The following PRRX1 variants were observed in gnomAD, a reference collection of about 807,000 sequenced individuals.
PRRX1 encodes the protein paired mesoderm homeobox protein 1.
Under a neutral mutation model 24.0 loss-of-function variants are expected in PRRX1, and 8 were observed. That is an observed-to-expected ratio of 0.33 (90% CI 0.20 to 0.60). The LOEUF is 0.60. Ranked by LOEUF, PRRX1 falls within the 20% of genes least tolerant of loss-of-function variation. PRRX1 has a pLI of 0.82. For synonymous variants in PRRX1, 160 were observed against 131.7 expected (o/e 1.22, Z -1.47); for missense variants, 281 against 322.4 (o/e 0.87, Z 0.98).
At chr1:170,706,738 G>A (rs1654582735) in intron 1 of PRRX1, among the ~76,000 whole-genome samples, 1 of 152,180 alleles carries the variant, frequency 6.6e-6, no homozygotes, top group African/African-American at 2.4e-5. Context: ...AGGTCAAGAA[G>A]TTACCTATAT....
rs76344152 is a variant in PRRX1, at chr1:170,718,325, C to T, written c.242-1401C>T. ...TTCTCTTAGCAAAAGACTTAGAGGC[C>T]TCAGTTGTCAGGCCTCTGGATTTAA... On this transcript the variant is annotated intron_variant, in intron 1 of 3. Transcript: ENST00000239461. 4.4e-3 allele frequency among the ~76,000 whole-genome samples: 675 copies of T among 152,224 alleles called. 9 individuals are homozygous for T. Among genetic ancestry groups the T allele is most frequent in the African/African-American group, 0.015 (619 of 41,532 alleles).
intron 3 of PRRX1, among the ~76,000 whole-genome samples, chr1:170,729,487 T>A (rs1655362306): frequency 1.3e-5 from 2 of 152,206 alleles, no homozygotes; most frequent in Admixed American, 1.3e-4. Flanking sequence ...GGTTGGAAAA[T>A]AGCCAACATA....
At position 170,736,196 on chromosome 1, in the gene PRRX1, A is replaced by G. The variant is rs533501026; in HGVS notation, c.*10A>G. ...GCCAACAGTCAACTGAGGAAAAAAAATAATTAAACAGGCCTAAGAAGAAAT... is the reference window on the plus strand; with the variant it reads ...GCCAACAGTCAACTGAGGAAAAAAAGTAATTAAACAGGCCTAAGAAGAAAT... On this transcript the variant is annotated 3_prime_UTR_variant, in exon 4 of 4. Transcript: ENST00000239461. 1.3e-4 allele frequency: 216 copies of G among 1,614,056 alleles called. 1 individual carries two copies. In the South Asian group the frequency reaches 2.2e-3, roughly 17 times the overall value.
intron 1 of PRRX1, among the ~76,000 whole-genome samples, chr1:170,717,778 G>A (rs1654954816): frequency 6.6e-6 from 1 of 152,202 alleles, no homozygotes; most frequent in African/African-American, 2.4e-5. Context: ...GAGAATGCAA[G>A]TGCAATGTAA....
Position 170,736,564 on chromosome 1 carries a change from A to ATATG in PRRX1, c.*381_*382insGTAT, listed in dbSNP as rs1352144675. On this transcript the variant is annotated 3_prime_UTR_variant, in exon 4 of 4. Coordinates refer to ENST00000239461, the MANE Select transcript of PRRX1 (RefSeq NM_022716.4). ...AGAAACTATATATATATATATATAT[A>ATATG]TATATATCCAGAATGATTGCCTCTA... The ATATG allele has an allele frequency of 4.3e-6, 1 of 234,906 alleles. No individual in the cohort carries two copies. Among genetic ancestry groups the ATATG allele is most frequent in the East Asian group, 6.6e-5 (1 of 15,134 alleles). The allele number at this position is 234,906 out of a possible 1,614,324, so 14.6% of individuals were successfully genotyped here.
chr1:170,736,324 C>G lies in PRRX1; in HGVS notation c.*138C>G. The G allele has an allele frequency of 7.3e-6, 9 of 1,239,846 alleles. No homozygotes were observed. Among genetic ancestry groups the G allele is most frequent in the Non-Finnish European group, 1.0e-5 (9 of 883,346 alleles). The allele number at this position is 1,239,846 out of a possible 1,614,324, so 76.8% of individuals were successfully genotyped here. ...ACAAAGCAGAACTAAAATATTGGGA[C>G]CATGGCAGAGAAAAGCAGGAGAGGA... is the stretch of plus-strand genomic sequence containing the variant. On this transcript the variant is annotated 3_prime_UTR_variant, in exon 4 of 4. Coordinates refer to ENST00000239461, the MANE Select transcript of PRRX1 (RefSeq NM_022716.4).
chr1:170,702,139 T>C (rs1654406585), intron 1 of PRRX1, among the ~76,000 whole-genome samples: 1 of 152,184 alleles, frequency 6.6e-6, no homozygotes, highest in Non-Finnish European at 1.5e-5. Flanking sequence ...GGGTTTCTAC[T>C]CGTATAAGAA....
chr1:170,730,710 T>C (rs1655407603), intron 3 of PRRX1: 2 of 221,924 alleles, frequency 9.0e-6, no homozygotes, highest in South Asian at 1.5e-4. Flanking sequence ...AGCGAGACTT[T>C]GTAGGTTACA....
At chr1:170,700,860 T>G (rs1654330684) in intron 1 of PRRX1, among the ~76,000 whole-genome samples, 1 of 152,152 alleles carries the variant, frequency 6.6e-6, no homozygotes, top group African/African-American at 2.4e-5. Context: ...CGGCTTCATC[T>G]TCTCTTCTTA....
At chr1:170,665,999 G>T (rs946695062) in intron 1 of PRRX1, among the ~76,000 whole-genome samples, 6 of 152,226 alleles carry the variant, frequency 3.9e-5, no homozygotes, top group African/African-American at 1.4e-4. Context: ...TTAGGGTTTG[G>T]GTGCTTGAGA....
chr1:170,673,869 A>C (rs887814465), intron 1 of PRRX1, among the ~76,000 whole-genome samples: 1 of 152,172 alleles, frequency 6.6e-6, no homozygotes. Context: ...CTACTGTTTA[A>C]GTCTCTATCC....
At chr1:170,730,377 C>G in intron 3 of PRRX1, 1 of 1,563,744 alleles carries the variant, frequency 6.4e-7, no homozygotes, top group Non-Finnish European at 8.8e-7. Context: ...AAGAGGGTGG[C>G]TGCTTGGGGT....
chr1:170,685,349 G>C (rs1330546448), intron 1 of PRRX1, among the ~76,000 whole-genome samples: 2 of 152,160 alleles, frequency 1.3e-5, no homozygotes, highest in African/African-American at 4.8e-5. Context: ...TCTTGTCAAA[G>C]GGTGATTCAA....
intron 3 of PRRX1, among the ~76,000 whole-genome samples, chr1:170,734,070 A>G (rs2101927906): frequency 6.6e-6 from 1 of 152,222 alleles, no homozygotes; most frequent in Non-Finnish European, 1.5e-5. Flanking sequence ...TAACTTGTTC[A>G]GTTTTTATTG....
intron 1 of PRRX1, among the ~76,000 whole-genome samples, chr1:170,672,835 T>C (rs1280224880): frequency 6.6e-6 from 1 of 152,184 alleles, no homozygotes; most frequent in African/African-American, 2.4e-5. Flanking sequence ...TAGATTTGGT[T>C]TGGGCCGGGA....
chr1:170,726,108 C>A, intron 2 of PRRX1, 112 bp from the exon 3 acceptor site: 2 of 1,065,122 alleles, frequency 1.9e-6, no homozygotes, highest in East Asian at 2.6e-5. Context: ...CTTATATCTT[C>A]TTTGGGAAGG....
chr1:170,663,915 T>G, upstream of PRRX1: 4 of 358,772 alleles, frequency 1.1e-5, no homozygotes, highest in Middle Eastern at 7.7e-4. Flanking sequence ...CTTTTTAATA[T>G]TGTATTTTAC....
At chr1:170,710,630 G>A (rs562979207) in intron 1 of PRRX1, among the ~76,000 whole-genome samples, 3 of 152,234 alleles carry the variant, frequency 2.0e-5, no homozygotes, top group South Asian at 2.1e-4. Context: ...TATTGAATCC[G>A]TAACCCCCAG....
At chr1:170,682,254 C>T (rs1206299298) in intron 1 of PRRX1, among the ~76,000 whole-genome samples, 1 of 151,478 alleles carries the variant, frequency 6.6e-6, no homozygotes, top group South Asian at 2.1e-4. Flanking sequence ...ACCCCTTCTC[C>T]CCTGACCTCT....
Sources: allele counts gnomAD v4.1 joint callset (sites outside exome capture counted in the v4.1 genomes callset), GRCh38; gene constraint gnomAD v4.1.1; transcripts MANE v1.5; gene names NCBI Gene and HGNC (gene_info 2026-07-23, HGNC 2026-07-21).